The following CDC42SE2 variants were observed in gnomAD, a reference collection of about 807,000 sequenced individuals.
CDC42SE2 encodes CDC42 small effector protein 2.
CDC42SE2 carries 3 observed loss-of-function variants against 11.5 expected under a neutral mutation model. That is an observed-to-expected ratio of 0.26 (90% confidence interval 0.12 to 0.67). The LOEUF (loss-of-function observed/expected upper bound fraction) is 0.67, where lower values mean the gene tolerates loss of function less well. CDC42SE2 is among the 30% of genes least tolerant of loss of function. The pLI is 0.80. For synonymous variants in CDC42SE2, 33 were observed against 34.8 expected (o/e 0.95, Z 0.18); for missense variants, 82 against 106.8 (o/e 0.77, Z 1.02).
At chr5:131,363,776 A>C (rs1580780358) in intron 3 of CDC42SE2, among the ~76,000 whole-genome samples, 1 of 146,900 alleles carries the variant, frequency 6.8e-6, no homozygotes, top group Non-Finnish European at 1.5e-5. Flanking sequence ...GCTCACTGCA[A>C]CCTCCGCCTC....
chr5:131,319,069 G>A (rs191864699), intron 2 of CDC42SE2, among the ~76,000 whole-genome samples: 1 of 151,870 alleles, frequency 6.6e-6, no homozygotes, highest in Admixed American at 6.6e-5. Context: ...TCCTGGCCAA[G>A]TTTTTTTGTA....
chr5:131,384,219 A>G (rs1348760655), intron 3 of CDC42SE2, among the ~76,000 whole-genome samples: 1 of 152,054 alleles, frequency 6.6e-6, no homozygotes, highest in Non-Finnish European at 1.5e-5. Context: ...TGTTGTTTCT[A>G]TCTATGACAA....
chr5:131,389,179 T>C (rs1163535419), intron 4 of CDC42SE2, among the ~76,000 whole-genome samples: 1 of 152,172 alleles, frequency 6.6e-6, no homozygotes. Flanking sequence ...CTATAAAAGC[T>C]AACATGCCAT....
At chr5:131,241,809 C>T (rs980208530), upstream of CDC42SE2, among the ~76,000 whole-genome samples, 1 of 151,960 alleles carries the variant, frequency 6.6e-6, no homozygotes, top group Non-Finnish European at 1.5e-5. Flanking sequence ...CCTTGACCAC[C>T]ACCTTATTTA....
intron 1 of CDC42SE2, among the ~76,000 whole-genome samples, chr5:131,282,357 A>ATGG: frequency 6.6e-6 from 1 of 152,332 alleles, no homozygotes; most frequent in Admixed American, 6.5e-5. Context: ...AGTAATAAAC[A>ATGG]ATAGCAAGTT....
chr5:131,279,032 G>A (rs1757176469), intron 1 of CDC42SE2, among the ~76,000 whole-genome samples: 2 of 151,592 alleles, frequency 1.3e-5, no homozygotes, highest in Admixed American at 1.3e-4. Flanking sequence ...TGATGCGCAT[G>A]CCTCGATCTC....
At chr5:131,263,043 T>C (rs141860155), upstream of CDC42SE2, among the ~76,000 whole-genome samples, 3 of 151,612 alleles carry the variant, frequency 2.0e-5, no homozygotes, top group African/African-American at 7.3e-5. Flanking sequence ...ACGTAACTCC[T>C]GGCCTCAGCC....
At chr5:131,243,183 G>A (rs1756553843), upstream of CDC42SE2, among the ~76,000 whole-genome samples, 1 of 152,190 alleles carries the variant, frequency 6.6e-6, no homozygotes, top group Admixed American at 6.5e-5. Context: ...AGTTCAGCAA[G>A]CATAGTCCCT....
chr5:131,285,418 T>A (rs968797421), intron 1 of CDC42SE2, among the ~76,000 whole-genome samples: 2 of 152,240 alleles, frequency 1.3e-5, no homozygotes, highest in Non-Finnish European at 2.9e-5. Context: ...GATTCATGAT[T>A]AGCATATATT....
intron 2 of CDC42SE2, among the ~76,000 whole-genome samples, chr5:131,356,977 A>C (rs1198370742): frequency 6.6e-6 from 1 of 152,214 alleles, no homozygotes; most frequent in African/African-American, 2.4e-5. Flanking sequence ...GGGTGAAATT[A>C]AACTTATTAA....
upstream of CDC42SE2, among the ~76,000 whole-genome samples, chr5:131,243,001 T>G (rs771074190): frequency 4.6e-5 from 7 of 152,234 alleles, no homozygotes; most frequent in Non-Finnish European, 7.3e-5. Context: ...ATCCCAGAAC[T>G]GTTGAGAACT....
At chr5:131,233,430 C>T in the CDC42SE2 span, among the ~76,000 whole-genome samples, 1 of 152,142 alleles carries the variant, frequency 6.6e-6, no homozygotes, top group Admixed American at 6.5e-5. Context: ...TGCAGTGATG[C>T]GATCTTGGCT....
In CDC42SE2 at chr5:131,347,334, AG is replaced by A. The variant is rs535264462; in HGVS notation, c.-285-11874del. ...AAGGGGATCTCACCACCCATCCCAC[AG>A]AAATACAGACTACCATCAGAAAATA... On this transcript the variant is annotated intron_variant, in intron 2 of 4. Transcript: ENST00000505065. Among the ~76,000 whole-genome samples, 9 of 152,362 alleles carry A rather than the reference AG, an allele frequency of 5.9e-5. No individual in the cohort carries two copies. In the South Asian group the frequency reaches 1.9e-3, roughly 32 times the overall value.
At chr5:131,257,731 G>A (rs1017756228) in intron 2 of CDC42SE2, among the ~76,000 whole-genome samples, 4 of 152,056 alleles carry the variant, frequency 2.6e-5, no homozygotes, top group Non-Finnish European at 5.9e-5. Context: ...ACCTGCCTTG[G>A]TCTCCCAGTG....
the CDC42SE2 span, among the ~76,000 whole-genome samples, chr5:131,236,542 C>T: frequency 2.6e-5 from 4 of 152,084 alleles, no homozygotes; most frequent in African/African-American, 9.7e-5. Flanking sequence ...ATTCTCATGC[C>T]TCAGCCTCCC....
rs970503211 is a variant in CDC42SE2 at position 131,394,132 on chromosome 5, G to A, written c.*3041G>A. ...CTCAAGAGGTCATTTGTTCCCCATA[G>A]CAGCATATCTCATTTTTAAATTGAA... On this transcript the variant is annotated 3_prime_UTR_variant, in exon 5 of 5. Coordinates refer to ENST00000505065, the MANE Select transcript of CDC42SE2 (RefSeq NM_001375635.1). 1.3e-5 allele frequency: 2 copies of A among 152,248 alleles called. No homozygotes were observed. The highest frequency in any genetic ancestry group is 4.8e-5 in the African/African-American group (2 of 41,416). The allele number at this position is 152,248 out of a possible 1,614,324, so 9.4% of individuals were successfully genotyped here.
chr5:131,350,461 A>AT lies in CDC42SE2; in HGVS notation c.-285-8746dup, dbSNP rs1758978532. ...TAACAGAACTATAATGGGATGATTG[A>AT]TTCATAATCCTGAGATAAAGAAATG... is the stretch of plus-strand genomic sequence containing the variant. On this transcript the variant is annotated intron_variant, in intron 2 of 4. Transcript: ENST00000505065. Among the ~76,000 whole-genome samples, 5 of 152,222 alleles carry AT rather than the reference A, an allele frequency of 3.3e-5. No homozygotes were observed. In the South Asian group the frequency reaches 1.0e-3, roughly 32 times the overall value.
At chr5:131,383,545 A>G (rs868717853) in intron 3 of CDC42SE2, among the ~76,000 whole-genome samples, 2 of 152,138 alleles carry the variant, frequency 1.3e-5, no homozygotes, top group Admixed American at 6.6e-5. Flanking sequence ...TAATAATACA[A>G]CTTTTTCAGA....
At chr5:131,235,278 A>T in the CDC42SE2 span, among the ~76,000 whole-genome samples, 1 of 145,976 alleles carries the variant, frequency 6.9e-6, no homozygotes, top group African/African-American at 2.7e-5. Context: ...ATACTCTCAC[A>T]GACACATCCA....
Sources: gnomAD v4.1 joint callset for allele counts (sites outside exome capture counted in the v4.1 genomes callset) on GRCh38, gnomAD v4.1.1 for gene constraint, MANE v1.5 for transcripts, NCBI Gene and HGNC (gene_info 2026-07-23, HGNC 2026-07-21) for gene names.